METAP1D: variants seen among roughly 807,000 people sequenced by gnomAD.
The protein encoded by METAP1D is methionine aminopeptidase 1D, mitochondrial.
Under a neutral mutation model 40.5 loss-of-function variants are expected in METAP1D, and 31 were observed. That is an observed-to-expected ratio of 0.77 (90% CI 0.58 to 1.03). METAP1D has a LOEUF of 1.03. Ranked by LOEUF, METAP1D falls within the 50% of genes least tolerant of loss-of-function variation. The pLI, the probability that METAP1D is intolerant of heterozygous loss-of-function variation, is 0.00. For synonymous variants in METAP1D, 151 were observed against 146.4 expected (o/e 1.03, Z -0.22); for missense variants, 411 against 420.7 (o/e 0.98, Z 0.20).
chr2:172,055,581 G>GC (rs1179120620), intron 1 of METAP1D, among the ~76,000 whole-genome samples: 1 of 152,062 alleles, frequency 6.6e-6, no homozygotes, highest in East Asian at 1.9e-4. Context: ...CATGACTTAT[G>GC]CCCATTTCTT....
chr2:172,023,050 T>C (rs182124545), intron 1 of METAP1D, among the ~76,000 whole-genome samples: 128 of 152,186 alleles, frequency 8.4e-4, no homozygotes, highest in Middle Eastern at 3.4e-3. Context: ...TAGCTGGGCG[T>C]GGTGGCACAT....
chr2:172,009,945 A>T (rs1688672502), intron 1 of METAP1D, among the ~76,000 whole-genome samples: 1 of 152,130 alleles, frequency 6.6e-6, no homozygotes, highest in Non-Finnish European at 1.5e-5. Flanking sequence ...CAAAGCAGAA[A>T]AGGAGGAGTT....
At chr2:172,047,166 A>C (rs1689780423) in intron 1 of METAP1D, among the ~76,000 whole-genome samples, 1 of 152,178 alleles carries the variant, frequency 6.6e-6, no homozygotes. Context: ...TTTTTGTCAT[A>C]AGTGATGTAT....
intron 1 of METAP1D, among the ~76,000 whole-genome samples, chr2:172,033,312 A>G (rs1041756479): frequency 6.6e-6 from 1 of 152,106 alleles, no homozygotes; most frequent in Non-Finnish European, 1.5e-5. Context: ...GCAATCAAGT[A>G]CAATAGACCT....
rs540539711 is a variant in METAP1D at position 172,033,911 on chromosome 2, A to T, written c.41-27587A>T. ...GCCAACATGGTGAAACCCTGTCTCA[A>T]CTAAAAATACAAAACATTAGCTGGC... On this transcript the variant is annotated intron_variant, in intron 1 of 9. Coordinates refer to ENST00000315796, the MANE Select transcript of METAP1D (RefSeq NM_199227.3). Among the ~76,000 whole-genome samples, 4 of 152,028 alleles carry T rather than the reference A, an allele frequency of 2.6e-5. No individual in the cohort carries two copies. The South Asian group carries it at 8.3e-4, about 32-fold the overall frequency.
At chr2:172,062,454 G>A (rs1343077101) in intron 2 of METAP1D, among the ~76,000 whole-genome samples, 2 of 152,196 alleles carry the variant, frequency 1.3e-5, no homozygotes, top group Admixed American at 6.5e-5. Context: ...TTACAAAACT[G>A]ACACTTTTTT....
chr2:172,043,042 CGT>C lies in METAP1D; in HGVS notation c.41-18453_41-18452del, dbSNP rs10572204. On this transcript the variant is annotated intron_variant, in intron 1 of 9. Transcript: ENST00000315796. Reference sequence around the variant, plus strand: ...ACACATATATGTGTATATGTGTACACGTGTACACATATATGTGTATATATATA... The same window carrying C: ...ACACATATATGTGTATATGTGTACACGTACACATATATGTGTATATATATA... Among the ~76,000 whole-genome samples, 5,867 of 114,634 alleles carry C rather than the reference CGT, an allele frequency of 0.051. 1,195 individuals are homozygous for C. The East Asian group carries it at 0.52, about 10-fold the overall frequency. 75.2% of individuals were successfully genotyped at this position (114,634 alleles called of 152,430 possible). A position where few individuals can be genotyped will look rare whatever the true frequency, so the allele number is the denominator to read the frequency against.
intron 8 of METAP1D, among the ~76,000 whole-genome samples, chr2:172,079,752 C>A (rs16859965): frequency 0.15 from 23,291 of 152,168 alleles, 1,920 homozygotes; most frequent in Non-Finnish European, 0.19. Context: ...GATGAATGAA[C>A]ATCTCGAGCA....
At position 172,080,205 on chromosome 2, in the gene METAP1D, AG is replaced by A; in HGVS notation, c.929+1del. ...GACTGTGGTCTCCCTAGACAATCAAAGGTGTTTGCTTTCTGCTCTGTTGCTT... is the reference window on the plus strand; with the variant it reads ...GACTGTGGTCTCCCTAGACAATCAAAGTGTTTGCTTTCTGCTCTGTTGCTT... ...AWTVVSLDNQRSAQFEHTVLI... is the reference protein window; with the variant it reads ...AWTVVSLDNQXSAQFEHTVLI... On this transcript the variant is annotated frameshift_variant and splice_region_variant, in exon 9 of 10. Coordinates refer to ENST00000315796, the MANE Select transcript of METAP1D (RefSeq NM_199227.3). LOFTEE classifies it high-confidence loss of function. 1 of 1,614,204 alleles carries A rather than the reference AG, an allele frequency of 6.2e-7. No homozygotes were observed. The highest frequency in any genetic ancestry group is 8.5e-7 in the Non-Finnish European group (1 of 1,180,016).
intron 3 of METAP1D, 24 bp from the exon 4 acceptor site, chr2:172,065,580 C>G: frequency 6.2e-7 from 1 of 1,610,588 alleles, no homozygotes; most frequent in Non-Finnish European, 8.5e-7. Context: ...TGTTGCTGCA[C>G]AATTTCTTTA....
chr2:172,073,297 C>G (rs1690466245), intron 6 of METAP1D, among the ~76,000 whole-genome samples: 1 of 151,898 alleles, frequency 6.6e-6, no homozygotes, highest in Non-Finnish European at 1.5e-5. Flanking sequence ...ACTAGCAAAG[C>G]ATAGCATTCA....
chr2:172,052,597 G>A (rs1022776798), intron 1 of METAP1D, among the ~76,000 whole-genome samples: 2 of 152,238 alleles, frequency 1.3e-5, no homozygotes, highest in Non-Finnish European at 2.9e-5. Context: ...ATGTCCATGG[G>A]AATGAATAAA....
At position 172,082,407 on chromosome 2, in the gene METAP1D, AT is replaced by A. The variant is rs1238788837; in HGVS notation, c.*2004del. The stretch of plus-strand genomic sequence containing the variant: ...ATTTATGGGACAAGTTTATAATTCC[AT>A]TTATTAAAGGGACTAACCTAAAGTG... On this transcript the variant is annotated 3_prime_UTR_variant, in exon 10 of 10. Transcript: ENST00000315796. The A allele has an allele frequency of 6.6e-6, 1 of 152,260 alleles. No individual in the cohort carries two copies. Among genetic ancestry groups the A allele is most frequent in the Non-Finnish European group, 1.5e-5 (1 of 68,054 alleles). The allele number at this position is 152,260 out of a possible 1,614,324, so 9.4% of individuals were successfully genotyped here.
chr2:172,043,106 TATATA>T (rs1269305456), intron 1 of METAP1D, among the ~76,000 whole-genome samples: 5 of 111,694 alleles, frequency 4.5e-5, no homozygotes, highest in Admixed American at 9.2e-5. Context: ...CATATATATA[TATATA>T]TATATATTTT....
intron 1 of METAP1D, among the ~76,000 whole-genome samples, chr2:172,036,997 C>T (rs368925946): frequency 2.6e-5 from 4 of 152,110 alleles, no homozygotes; most frequent in African/African-American, 4.8e-5. Flanking sequence ...CGGTGGCTCA[C>T]GCCTGTAATT....
intron 1 of METAP1D, among the ~76,000 whole-genome samples, chr2:172,002,900 T>C (rs1464293438): frequency 6.6e-6 from 1 of 152,214 alleles, no homozygotes; most frequent in East Asian, 1.9e-4. Flanking sequence ...GAGGTTTCTC[T>C]TGTGACGCCT....
intron 1 of METAP1D, among the ~76,000 whole-genome samples, chr2:172,030,938 A>G (rs1480608912): frequency 6.6e-6 from 1 of 152,222 alleles, no homozygotes. Context: ...TTTAGGTATG[A>G]TAATGATAAT....
At chr2:172,063,670 C>T (rs746729780) in intron 2 of METAP1D, 41 bp from the exon 3 acceptor site, 10 of 1,487,198 alleles carry the variant, frequency 6.7e-6, no homozygotes, top group South Asian at 1.2e-5. Context: ...CATTGTCGTG[C>T]GCTGGGTTCT....
chr2:172,047,194 T>C (rs896065233), intron 1 of METAP1D, among the ~76,000 whole-genome samples: 11 of 152,218 alleles, frequency 7.2e-5, no homozygotes, highest in African/African-American at 2.4e-4. Context: ...GTGCTTGAAA[T>C]GTAAATAAGT....
Sources: gnomAD v4.1 joint callset for allele counts (sites outside exome capture counted in the v4.1 genomes callset) on GRCh38, gnomAD v4.1.1 for gene constraint, MANE v1.5 for transcripts, NCBI Gene and HGNC (gene_info 2026-07-23, HGNC 2026-07-21) for gene names.